Variants in MALRD1 observed in about 807,000 individuals in gnomAD.
MALRD1 encodes MAM and LDL receptor class A domain containing 1.
In MALRD1, 247 loss-of-function variants were observed where a neutral mutation model predicts 242.1. The ratio of observed to expected loss-of-function variants is 1.02; its 90% CI spans 0.92 to 1.13. The LOEUF is 1.13. Among genes scored for constraint, MALRD1 ranks in the 50% most tolerant of loss-of-function variants. The pLI, the probability that MALRD1 is intolerant of heterozygous loss-of-function variation, is 0.00. For synonymous variants in MALRD1, 995 were observed against 866.6 expected, an observed-to-expected ratio of 1.15 and a Z score of -2.60; for missense variants, 2,989 against 2,533.1, an observed-to-expected ratio of 1.18 and a Z score of -3.86.
intron 1 of MALRD1, among the ~76,000 whole-genome samples, chr10:19,049,363 A>C (rs930513809): frequency 5.3e-5 from 8 of 152,164 alleles, no homozygotes; most frequent in Admixed American, 2.6e-4. Flanking sequence ...TATATTTTTC[A>C]GTCAGTTTTT....
intron 18 of MALRD1, among the ~76,000 whole-genome samples, chr10:19,222,168 CCT>C (rs1837585338): frequency 6.6e-6 from 1 of 151,978 alleles, no homozygotes. Flanking sequence ...TCCCTCCCTC[CCT>C]CTCTCTTTTC....
chr10:19,294,649 G>A (rs976759299), intron 21 of MALRD1, among the ~76,000 whole-genome samples: 2 of 152,124 alleles, frequency 1.3e-5, no homozygotes, highest in South Asian at 2.1e-4. Flanking sequence ...GTGCTTGGTT[G>A]TATGTCTGTC....
At chr10:19,366,000 G>A (rs374307779) in intron 26 of MALRD1, among the ~76,000 whole-genome samples, 3 of 151,932 alleles carry the variant, frequency 2.0e-5, no homozygotes, top group Admixed American at 6.6e-5. Context: ...TTAGAGTAGC[G>A]ATCCACAACC....
At chr10:19,559,069 G>T (rs113794461) in intron 32 of MALRD1, among the ~76,000 whole-genome samples, 315 of 152,024 alleles carry the variant, frequency 2.1e-3, no homozygotes, top group African/African-American at 7.4e-3. Flanking sequence ...TGTGATCCCA[G>T]TTACTCAGGA....
intron 33 of MALRD1, among the ~76,000 whole-genome samples, chr10:19,569,457 T>C (rs1836408606): frequency 6.6e-6 from 1 of 151,678 alleles, no homozygotes; most frequent in African/African-American, 2.4e-5. Context: ...AAACTCTTTT[T>C]CTCACCATTT....
intron 19 of MALRD1, among the ~76,000 whole-genome samples, chr10:19,262,035 A>C (rs1839772504): frequency 6.6e-6 from 1 of 152,188 alleles, no homozygotes; most frequent in Admixed American, 6.5e-5. Flanking sequence ...CCCTTAAATT[A>C]GTTTATTTTT....
At chr10:19,503,298 A>G (rs2131263186) in intron 31 of MALRD1, among the ~76,000 whole-genome samples, 1 of 152,354 alleles carries the variant, frequency 6.6e-6, no homozygotes, top group Non-Finnish European at 1.5e-5. Flanking sequence ...AAGGCCAACA[A>G]ATTCAGTGAG....
intron 36 of MALRD1, among the ~76,000 whole-genome samples, chr10:19,641,453 A>G (rs1386148468): frequency 6.6e-6 from 1 of 152,194 alleles, no homozygotes; most frequent in Non-Finnish European, 1.5e-5. Flanking sequence ...GAGACGAGCA[A>G]AAGACACCTG....
At chr10:19,062,411 G>A (rs951598607) in intron 1 of MALRD1, among the ~76,000 whole-genome samples, 11 of 152,146 alleles carry the variant, frequency 7.2e-5, no homozygotes, top group African/African-American at 2.7e-4. Context: ...ATATGATATA[G>A]CATTTTCACT....
In MALRD1 at chr10:19,730,746, G is replaced by C. The variant is rs922483418; in HGVS notation, c.6355G>C (p.Val2119Leu). 1 of 1,536,702 alleles carries C rather than the reference G, an allele frequency of 6.5e-7. No homozygotes were observed. The highest frequency in any genetic ancestry group is 2.0e-5 in the Admixed American group (1 of 51,000). Reference sequence around the variant, plus strand: ...TGGTAACTGTGCCTTTGTCAATCCAGTTTACGGGAACTGGAGCAACCCAGA... The same window carrying C: ...TGGTAACTGTGCCTTTGTCAATCCACTTTACGGGAACTGGAGCAACCCAGA... ...GSGNCAFVNP[V>L]YGNWSNPEKT... Residue 2119 changes from valine (V) to leucine (L), a missense_variant, in exon 39 of 40, where the codon GTT becomes CTT. By Grantham distance (32) the Val-to-Leu change is conservative (BLOSUM62 1). Coordinates refer to ENST00000454679, the MANE Select transcript of MALRD1 (RefSeq NM_001142308.3).
chr10:19,285,462 T>C (rs2131897946), intron 21 of MALRD1, among the ~76,000 whole-genome samples: 1 of 151,724 alleles, frequency 6.6e-6, no homozygotes, highest in Non-Finnish European at 1.5e-5. Flanking sequence ...GTTTCAGCTT[T>C]CTACATATGG....
chr10:19,574,967 TG>T (rs1284443371), intron 33 of MALRD1, among the ~76,000 whole-genome samples: 1 of 152,214 alleles, frequency 6.6e-6, no homozygotes, highest in Admixed American at 6.5e-5. Flanking sequence ...AGTCAATACT[TG>T]TTGAAAATCT....
intron 38 of MALRD1, among the ~76,000 whole-genome samples, chr10:19,703,034 C>A (rs962957832): frequency 6.6e-6 from 1 of 152,174 alleles, no homozygotes; most frequent in Non-Finnish European, 1.5e-5. Context: ...ATTATACATT[C>A]TGTGACTCTT....
Position 19,448,181 on chromosome 10 carries a change from C to CT in MALRD1, c.4846-2126_4846-2125insT, listed in dbSNP as rs1227280125. On this transcript the variant is annotated intron_variant, in intron 28 of 39. Coordinates refer to ENST00000454679, the MANE Select transcript of MALRD1 (RefSeq NM_001142308.3). The stretch of plus-strand genomic sequence containing the variant: ...CCTTGGTAGCCCCTCTTCAGACATT[C>CT]CTTTTTTTTCCTCTTTAGCTTTTAT... Among the ~76,000 whole-genome samples the CT allele has an allele frequency of 3.3e-5, 5 of 151,752 alleles. No homozygotes were observed. In the South Asian group the frequency reaches 6.3e-4, roughly 19 times the overall value.
chr10:19,700,021 G>T (rs976680696), intron 38 of MALRD1, among the ~76,000 whole-genome samples: 164 of 141,282 alleles, frequency 1.2e-3, no homozygotes, highest in African/African-American at 4.0e-3. Context: ...AATTGATTTA[G>T]ACACACACAC....
intron 29 of MALRD1, among the ~76,000 whole-genome samples, chr10:19,455,226 G>T (rs117811856): frequency 0.013 from 1,993 of 152,296 alleles, 14 homozygotes; most frequent in Non-Finnish European, 0.023. Context: ...GAACAAAGAA[G>T]TAGGAAGACA....
chr10:19,403,452 C>T (rs1326524484), intron 28 of MALRD1, among the ~76,000 whole-genome samples: 1 of 152,090 alleles, frequency 6.6e-6, no homozygotes, highest in Non-Finnish European at 1.5e-5. Context: ...AATATATCCA[C>T]ATATAATCAT....
rs1844207641 is a variant in MALRD1 at position 19,348,007 on chromosome 10, A to C, written c.4138A>C (p.Lys1380Gln). The C allele has an allele frequency of 6.5e-7, 1 of 1,550,318 alleles. No individual in the cohort carries two copies. The highest frequency in any genetic ancestry group is 8.7e-7 in the Non-Finnish European group (1 of 1,146,728). The change falls in exon 25 of 40, where the codon AAA becomes CAA. Residue 1380 changes from lysine to glutamine, a missense_variant. By Grantham distance (53) the Lys-to-Gln change is moderately conservative (BLOSUM62 1). Coordinates refer to ENST00000454679, the MANE Select transcript of MALRD1 (RefSeq NM_001142308.3). Reference sequence around the variant, plus strand: ...AAGTCCAGTTATAAGTAAGAGAAGCAAAAACTGCAAGGTATGGGGAAAATC... The same window carrying C: ...AAGTCCAGTTATAAGTAAGAGAAGCCAAAACTGCAAGGTATGGGGAAAATC... ...ISSPVISKRS[K>Q]NCKIIFHYHM...
At chr10:19,138,055 T>G (rs1409697001) in intron 10 of MALRD1, among the ~76,000 whole-genome samples, 1 of 152,204 alleles carries the variant, frequency 6.6e-6, no homozygotes, top group African/African-American at 2.4e-5. Flanking sequence ...TTGGGAAGCT[T>G]GGATTTTATT....
Sources: allele counts gnomAD v4.1 joint callset (sites outside exome capture counted in the v4.1 genomes callset), GRCh38; gene constraint gnomAD v4.1.1; transcripts MANE v1.5; gene names NCBI Gene and HGNC (gene_info 2026-07-23, HGNC 2026-07-21).